The following AKAP13 variants were observed in gnomAD, a reference collection of about 807,000 sequenced individuals.
AKAP13 encodes A-kinase anchoring protein 13.
A neutral mutation model predicts 264.5 loss-of-function variants in AKAP13; 80 were observed. The ratio of observed to expected loss-of-function variants is 0.30; its 90% confidence interval spans 0.25 to 0.36. The LOEUF is 0.36. AKAP13 is among the 10% of genes least tolerant of loss of function. The pLI is 1.00. For missense variants in AKAP13, 3,712 were observed against 3,435.2 expected, an observed-to-expected ratio of 1.08 and a Z score of -2.01; for synonymous variants, 1,380 against 1,250.2, an observed-to-expected ratio of 1.10 and a Z score of -2.19.
chr15:85,735,102 G>T lies in AKAP13; in HGVS notation c.7393G>T (p.Ala2465Ser), dbSNP rs373167092. 5 of 1,614,214 alleles carry T rather than the reference G, an allele frequency of 3.1e-6. No homozygotes were observed. In the South Asian group the frequency reaches 5.5e-5, roughly 18 times the overall value. ...CGGTCCCGTTTCCCTGCCCCGGAGA[G>T]CAGAGACCTTTGGAGGATTTGACAG... ...VVGPVSLPRR[A>S]ETFGGFDSHQ... is the part of the protein sequence containing the mutation. Residue 2465 changes from alanine to serine, a missense_variant, in exon 31 of 37, where the codon GCA becomes TCA. Physicochemically the swap from Ala to Ser is moderately conservative, Grantham distance 99 (BLOSUM62 1). Coordinates refer to ENST00000394518, the MANE Select transcript of AKAP13 (RefSeq NM_007200.5).
intron 5 of AKAP13, among the ~76,000 whole-genome samples, chr15:85,559,287 C>G (rs943786226): frequency 1.3e-5 from 2 of 151,986 alleles, no homozygotes; most frequent in Admixed American, 1.3e-4. Context: ...CATAGATCAA[C>G]CTAGTTTGTG....
At chr15:85,440,804 A>G (rs1053964730) in intron 1 of AKAP13, among the ~76,000 whole-genome samples, 57 of 152,282 alleles carry the variant, frequency 3.7e-4, no homozygotes, top group Admixed American at 5.9e-4. Context: ...TCTCACCTCT[A>G]CCAAGGTAAT....
At chr15:85,398,457 T>C (rs2071228794) in intron 1 of AKAP13, among the ~76,000 whole-genome samples, 3 of 152,290 alleles carry the variant, frequency 2.0e-5, no homozygotes, top group East Asian at 3.9e-4. Context: ...TATGTACATA[T>C]ATACAGCCCA....
intron 23 of AKAP13, among the ~76,000 whole-genome samples, chr15:85,719,596 C>A (rs1002315456): frequency 1.3e-5 from 2 of 152,108 alleles, no homozygotes; most frequent in Non-Finnish European, 1.5e-5. Flanking sequence ...CTTAGTTTTT[C>A]TTCCTCAGAG....
intron 2 of AKAP13, among the ~76,000 whole-genome samples, chr15:85,509,373 G>A (rs2151115878): frequency 6.6e-6 from 1 of 152,280 alleles, no homozygotes; most frequent in South Asian, 2.1e-4. Flanking sequence ...CTTTGTAATG[G>A]TATTGATTTC....
intron 1 of AKAP13, among the ~76,000 whole-genome samples, chr15:85,388,224 A>G (rs1301905878): frequency 6.7e-6 from 1 of 149,544 alleles, no homozygotes; most frequent in Non-Finnish European, 1.5e-5. Context: ...TTTTTTTTTT[A>G]AGTGGAGACT....
At chr15:85,422,078 C>G (rs1433163815) in intron 1 of AKAP13, among the ~76,000 whole-genome samples, 1 of 152,232 alleles carries the variant, frequency 6.6e-6, no homozygotes, top group African/African-American at 2.4e-5. Context: ...CTATCATGAT[C>G]TCTCTTGGCA....
chr15:85,437,588 C>T (rs1453863331), intron 1 of AKAP13, among the ~76,000 whole-genome samples: 3 of 152,008 alleles, frequency 2.0e-5, no homozygotes, highest in African/African-American at 7.3e-5. Context: ...ACTGGCAAAA[C>T]GAATCCAGCA....
intron 5 of AKAP13, among the ~76,000 whole-genome samples, chr15:85,563,049 C>G (rs1040694931): frequency 6.6e-6 from 1 of 151,848 alleles, no homozygotes; most frequent in Non-Finnish European, 1.5e-5. Flanking sequence ...AACTCTGGCT[C>G]ATAGAAGCGA....
intron 1 of AKAP13, among the ~76,000 whole-genome samples, chr15:85,400,143 T>C (rs1005514062): frequency 4.6e-5 from 7 of 152,146 alleles, no homozygotes; most frequent in African/African-American, 1.2e-4. Context: ...CTCACACTTA[T>C]AATCTCAGCA....
intron 1 of AKAP13, among the ~76,000 whole-genome samples, chr15:85,432,045 G>A (rs1224390965): frequency 6.6e-6 from 1 of 151,988 alleles, no homozygotes; most frequent in Non-Finnish European, 1.5e-5. Context: ...TTCCAACACT[G>A]GGATTCTATT....
intron 17 of AKAP13, among the ~76,000 whole-genome samples, chr15:85,703,855 T>A (rs12442833): frequency 0.27 from 35,575 of 134,096 alleles, 4,615 homozygotes; most frequent in African/African-American, 0.34. Flanking sequence ...AAAAAAAAAA[T>A]ATATATATAT....
rs1426979648 is a variant in AKAP13 at position 85,645,844 on chromosome 15, C to G, written c.4264C>G (p.Leu1422Val). The G allele has an allele frequency of 1.9e-6, 3 of 1,607,202 alleles. No individual in the cohort carries two copies. Among genetic ancestry groups the G allele is most frequent in the Admixed American group, 1.7e-5 (1 of 59,482 alleles). ...PECENFLDVG[L>V]GRECTSKQGV... ...ATGTGAGAACTTCCTGGATGTTGGA[C>G]TGGGCAGAGAGTGTACCTCAAAACA... Residue 1422 changes from leucine (L) to valine (V), a missense_variant, in exon 10 of 37, where the codon CTG becomes GTG. Physicochemically the swap from Leu to Val is conservative, Grantham distance 32. Coordinates refer to ENST00000394518, the MANE Select transcript of AKAP13 (RefSeq NM_007200.5).
At chr15:85,524,820 T>C (rs915556019) in intron 3 of AKAP13, among the ~76,000 whole-genome samples, 1 of 151,764 alleles carries the variant, frequency 6.6e-6, no homozygotes, top group African/African-American at 2.4e-5. Context: ...TACAATGAAG[T>C]GTGTGTGTGT....
At chr15:85,735,201 C>T (rs746145358) in intron 31 of AKAP13, 51 bp downstream of exon 31, 3 of 1,578,970 alleles carry the variant, frequency 1.9e-6, no homozygotes, top group Non-Finnish European at 1.7e-6. Context: ...GACTATCTCA[C>T]ACAACTCAAA....
At chr15:85,655,069 G>A (rs1191879952) in intron 10 of AKAP13, among the ~76,000 whole-genome samples, 6 of 152,128 alleles carry the variant, frequency 3.9e-5, no homozygotes, top group Non-Finnish European at 1.5e-5. Flanking sequence ...GTGCATGCCT[G>A]TAATCCCAGC....
At chr15:85,524,885 G>GTT (rs1567105085) in intron 3 of AKAP13, among the ~76,000 whole-genome samples, 1 of 151,096 alleles carries the variant, frequency 6.6e-6, no homozygotes, top group Non-Finnish European at 1.5e-5. Context: ...CTGTGTGTGT[G>GTT]TGTGTGTGTG....
chr15:85,524,996 G>A (rs12909896), intron 3 of AKAP13, among the ~76,000 whole-genome samples: 21,057 of 150,996 alleles, frequency 0.14, 1,785 homozygotes, highest in South Asian at 0.34. Context: ...TTAAGCGTAA[G>A]TAGTAACATC....
chr15:85,500,493 G>A (rs920958025), intron 2 of AKAP13, among the ~76,000 whole-genome samples: 1 of 152,184 alleles, frequency 6.6e-6, no homozygotes, highest in Non-Finnish European at 1.5e-5. Flanking sequence ...CGTGAAGTCA[G>A]CCCACTGAAT....
Sources: allele counts gnomAD v4.1 joint callset (sites outside exome capture counted in the v4.1 genomes callset), GRCh38; gene constraint gnomAD v4.1.1; transcripts MANE v1.5; gene names NCBI Gene and HGNC (gene_info 2026-07-23, HGNC 2026-07-21).